The following PHACTR2 variants were observed in gnomAD, a reference collection of about 807,000 sequenced individuals.
The protein encoded by PHACTR2 is chromosome 6 open reading frame 56.
A neutral mutation model predicts 76.0 loss-of-function variants in PHACTR2; 30 were observed. That is an observed-to-expected ratio of 0.39 (90% CI 0.30 to 0.54). PHACTR2 has a LOEUF of 0.54. PHACTR2 is among the 20% of genes least tolerant of loss of function. The pLI is 0.61. For synonymous variants in PHACTR2, 292 were observed against 292.5 expected (o/e 1.00, Z 0.02); for missense variants, 696 against 781.1 (o/e 0.89, Z 1.30).
chr6:143,685,825 T>A (rs976336992), intron 1 of PHACTR2, among the ~76,000 whole-genome samples: 3 of 152,010 alleles, frequency 2.0e-5, no homozygotes, highest in African/African-American at 7.3e-5. Flanking sequence ...TGGCAATATA[T>A]ATTAAGTCAT....
chr6:143,810,956 A>C (rs2128484646), intron 12 of PHACTR2, among the ~76,000 whole-genome samples: 1 of 152,144 alleles, frequency 6.6e-6, no homozygotes. Context: ...TATTTTTTCC[A>C]ATTTATTGTT....
intron 2 of PHACTR2, among the ~76,000 whole-genome samples, chr6:143,715,902 A>G (rs1184304879): frequency 6.6e-6 from 1 of 152,192 alleles, no homozygotes; most frequent in Non-Finnish European, 1.5e-5. Flanking sequence ...ACATCAGCCT[A>G]TCCTGTCAAT....
At chr6:143,586,895 A>T (rs1239016862) in intron 1 of PHACTR2, among the ~76,000 whole-genome samples, 1 of 152,118 alleles carries the variant, frequency 6.6e-6, no homozygotes, top group African/African-American at 2.4e-5. Flanking sequence ...CCCGCCTCCT[A>T]CCTCATTATG....
At chr6:143,771,750 A>G (rs144578886) in intron 6 of PHACTR2, among the ~76,000 whole-genome samples, 1 of 152,226 alleles carries the variant, frequency 6.6e-6, no homozygotes, top group Non-Finnish European at 1.5e-5. Flanking sequence ...TATTAATGAA[A>G]GAAGATGTAC....
In PHACTR2 at chr6:143,820,666, A is replaced by G. The variant is rs933188864; in HGVS notation, c.1923-3008A>G. Among the ~76,000 whole-genome samples, 1 of 152,234 alleles carries G rather than the reference A, an allele frequency of 6.6e-6. No homozygotes were observed. The highest frequency in any genetic ancestry group is 1.5e-5 in the Non-Finnish European group (1 of 68,046). On this transcript the variant is annotated intron_variant, in intron 12 of 12. Coordinates refer to ENST00000440869, the MANE Select transcript of PHACTR2 (RefSeq NM_001100164.2). The surrounding 1 kb of genome is among the most constrained non-coding windows in gnomAD (Gnocchi z 4.2). ...TTGAATGTCTGTGGCTTTTCCAGGCACAGGGTGCAAGCTGCCAGTGGATCT... is the reference window on the plus strand; with the variant it reads ...TTGAATGTCTGTGGCTTTTCCAGGCGCAGGGTGCAAGCTGCCAGTGGATCT...
chr6:143,713,809 T>G (rs1006374584), intron 2 of PHACTR2, among the ~76,000 whole-genome samples: 6 of 152,196 alleles, frequency 3.9e-5, no homozygotes, highest in African/African-American at 1.4e-4. Context: ...ACTGGCCTTC[T>G]TCAAGTGCCT....
Position 143,594,138 on chromosome 6 carries a change from C to A in PHACTR2, c.217+56931C>A, listed in dbSNP as rs1775723051. Among the ~76,000 whole-genome samples the A allele has an allele frequency of 2.0e-5, 3 of 152,272 alleles. No individual in the cohort carries two copies. In the East Asian group the frequency reaches 5.8e-4, roughly 29 times the overall value. ...CAATATATACAAACTTTGTTTCCTG[C>A]ACAAAACTATTAAAAGATGTTGAAT... On this transcript the variant is annotated intron_variant, in intron 1 of 11. Transcript: ENST00000367584.
chr6:143,578,652 G>C lies in PHACTR2; in HGVS notation c.217+41445G>C, dbSNP rs1285830349. Among the ~76,000 whole-genome samples, 3 of 152,010 alleles carry C rather than the reference G, an allele frequency of 2.0e-5. No individual in the cohort carries two copies. The highest frequency in any genetic ancestry group is 7.3e-5 in the African/African-American group (3 of 41,352). ...TGGACAATGAGGAGAGGATGAGGAG[G>C]AGGAGGAGGAGGAAGGAGAAGAGGA... On this transcript the variant is annotated intron_variant, in intron 1 of 11. Transcript: ENST00000367584. The surrounding 1 kb of genome is among the most constrained non-coding windows in gnomAD (Gnocchi z 4.5).
rs546856397 is a variant in PHACTR2, at chr6:143,594,126, C to G, written c.217+56919C>G. ...TTTCTGATGGTTCAATATATACAAACTTTGTTTCCTGCACAAAACTATTAA... is the reference window on the plus strand; with the variant it reads ...TTTCTGATGGTTCAATATATACAAAGTTTGTTTCCTGCACAAAACTATTAA... On this transcript the variant is annotated intron_variant, in intron 1 of 11. Coordinates refer to the PHACTR2 transcript ENST00000367584. 2.2e-4 allele frequency among the ~76,000 whole-genome samples: 34 copies of G among 152,256 alleles called. 1 individual carries two copies. The highest frequency in any genetic ancestry group is 3.9e-4 in the Admixed American group (6 of 15,294).
chr6:143,565,734 G>C (rs919773957), intron 1 of PHACTR2, among the ~76,000 whole-genome samples: 13 of 152,042 alleles, frequency 8.6e-5, no homozygotes, highest in African/African-American at 3.1e-4. Context: ...AGTGGATGAT[G>C]GGGGAAGAGC....
rs146747588 is a variant in PHACTR2 at position 143,820,655 on chromosome 6, C to CT, written c.1923-3015dup. Among the ~76,000 whole-genome samples the CT allele has an allele frequency of 1.3e-5, 2 of 152,230 alleles. No homozygotes were observed. The highest frequency in any genetic ancestry group is 2.9e-5 in the Non-Finnish European group (2 of 68,044). ...ACAGGCTGGCGTTGAATGTCTGTGG[C>CT]TTTTCCAGGCACAGGGTGCAAGCTG... On this transcript the variant is annotated intron_variant, in intron 12 of 12. Transcript: ENST00000440869. The surrounding 1 kb of genome is among the most constrained non-coding windows in gnomAD (Gnocchi z 4.2).
In PHACTR2 at chr6:143,807,112, AAG is replaced by A; in HGVS notation, c.1906_1907del (p.Arg637ThrfsTer30). 1.9e-6 allele frequency: 3 copies of A among 1,606,684 alleles called. 1 individual carries two copies. Among genetic ancestry groups the A allele is most frequent in the South Asian group, 2.2e-5 (2 of 90,554 alleles). On this transcript the variant is annotated frameshift_variant, in exon 12 of 13. Coordinates refer to ENST00000440869, the MANE Select transcript of PHACTR2 (RefSeq NM_001100164.2). LOFTEE classifies it high-confidence loss of function. This position sits in a 1 kb window ranked among gnomAD's most constrained non-coding sequence, Gnocchi z 5.5. ...AAAAGCACAGAAATGGAAGTTCATG[AAG>A]AGAGTCGACAGTTTACAAGGTAGGT...
In PHACTR2 at chr6:143,680,584, T is replaced by G. The variant is rs1777369439; in HGVS notation, c.46+2375T>G. 6.6e-6 allele frequency among the ~76,000 whole-genome samples: 1 copy of G among 152,234 alleles called. No individual in the cohort carries two copies. The highest frequency in any genetic ancestry group is 2.4e-5 in the African/African-American group (1 of 41,468). On this transcript the variant is annotated intron_variant, in intron 1 of 12. Coordinates refer to ENST00000440869, the MANE Select transcript of PHACTR2 (RefSeq NM_001100164.2). This position sits in a 1 kb window ranked among gnomAD's most constrained non-coding sequence, Gnocchi z 4.5. ...TTAGGTTGCACCTAATTCTCTGGGT[T>G]CTAGGAAGACCATTAATAATTTTTT... is the stretch of plus-strand genomic sequence containing the variant.
At position 143,550,314 on chromosome 6, in the gene PHACTR2, GGGAAGCAAGTCTGTAT is replaced by G. The variant is rs1415297196; in HGVS notation, c.217+13111_217+13126del. The stretch of plus-strand genomic sequence containing the variant: ...TGCTGGTCCTCGGACCACACTTCAA[GGGAAGCAAGTCTGTAT>G]GGAGAGCTTTTAATGGGCCTGTCAA... On this transcript the variant is annotated intron_variant, in intron 1 of 11. Transcript: ENST00000367584. This position sits in a 1 kb window ranked among gnomAD's most constrained non-coding sequence, Gnocchi z 4.8. Among the ~76,000 whole-genome samples the G allele has an allele frequency of 2.6e-5, 4 of 151,944 alleles. No individual in the cohort carries two copies. Among genetic ancestry groups the G allele is most frequent in the African/African-American group, 9.7e-5 (4 of 41,396 alleles).
chr6:143,698,109 T>G lies in PHACTR2; in HGVS notation c.47-13907T>G, dbSNP rs1777812234. On this transcript the variant is annotated intron_variant, in intron 1 of 12. Transcript: ENST00000440869. This position sits in a 1 kb window ranked among gnomAD's most constrained non-coding sequence, Gnocchi z 4.3. Reference sequence around the variant, plus strand: ...TGTTTCTTCAGACCAGTATTGAAAATCTAAATAAAAATTATATTAGAAAAG... The same window carrying G: ...TGTTTCTTCAGACCAGTATTGAAAAGCTAAATAAAAATTATATTAGAAAAG... Among the ~76,000 whole-genome samples, 1 of 152,200 alleles carries G rather than the reference T, an allele frequency of 6.6e-6. No individual in the cohort carries two copies. The highest frequency in any genetic ancestry group is 1.9e-4 in the East Asian group (1 of 5,200).
chr6:143,708,910 T>G lies in PHACTR2; in HGVS notation c.47-3106T>G, dbSNP rs1179167889. 6.6e-6 allele frequency among the ~76,000 whole-genome samples: 1 copy of G among 152,198 alleles called. No homozygotes were observed. Among genetic ancestry groups the G allele is most frequent in the African/African-American group, 2.4e-5 (1 of 41,452 alleles). Reference sequence around the variant, plus strand: ...AAAGATCCCATGTATTGTAAGAAAATGAAAACTGGACATGTAGCCACAGAG... The same window carrying G: ...AAAGATCCCATGTATTGTAAGAAAAGGAAAACTGGACATGTAGCCACAGAG... On this transcript the variant is annotated intron_variant, in intron 1 of 12. Transcript: ENST00000440869. This position sits in a 1 kb window ranked among gnomAD's most constrained non-coding sequence, Gnocchi z 5.5.
chr6:143,572,792 A>G (rs990062799), intron 1 of PHACTR2, among the ~76,000 whole-genome samples: 1 of 152,156 alleles, frequency 6.6e-6, no homozygotes, highest in Non-Finnish European at 1.5e-5. Flanking sequence ...ACCTCAAGCA[A>G]TCCACCTGCC....
intron 1 of PHACTR2, among the ~76,000 whole-genome samples, chr6:143,601,381 A>C (rs1380543840): frequency 1.3e-5 from 2 of 152,194 alleles, no homozygotes; most frequent in East Asian, 1.9e-4. Flanking sequence ...GAGCTTCCCC[A>C]ACATGTTTTT....
chr6:143,769,996 C>G (rs886663884), intron 6 of PHACTR2, among the ~76,000 whole-genome samples: 4 of 152,190 alleles, frequency 2.6e-5, no homozygotes, highest in Non-Finnish European at 4.4e-5. Flanking sequence ...AGCAATTCTA[C>G]TTCCATGTAT....
Sources: allele counts gnomAD v4.1 joint callset (sites outside exome capture counted in the v4.1 genomes callset), GRCh38; gene constraint gnomAD v4.1.1; non-coding constraint Gnocchi (gnomAD v3.1); transcripts MANE v1.5; gene names NCBI Gene and HGNC (gene_info 2026-07-23, HGNC 2026-07-21).